The following HHIP variants were observed in gnomAD, a reference collection of about 807,000 sequenced individuals.
The protein encoded by HHIP is hedgehog interacting protein, also known as hedgehog-interacting protein.
In HHIP, 12 loss-of-function variants were observed where a neutral mutation model predicts 74.0. The observed-to-expected ratio is 0.16, with a 90% CI of 0.10 to 0.26. The LOEUF (loss-of-function observed/expected upper bound fraction) is 0.26, where lower values mean the gene tolerates loss of function less well. Ranked by LOEUF, HHIP falls within the 10% of genes least tolerant of loss-of-function variation. The probability of loss-of-function intolerance (pLI) is 1.00; values close to 1 mark genes in which losing one functional copy is unlikely to be tolerated. For missense variants in HHIP, 788 were observed against 845.0 expected (o/e 0.93, Z 0.84); for synonymous variants, 309 against 311.6 (o/e 0.99, Z 0.09).
intron 7 of HHIP, among the ~76,000 whole-genome samples, chr4:144,709,531 G>C (rs1025363612): frequency 6.6e-6 from 1 of 152,188 alleles, no homozygotes; most frequent in Non-Finnish European, 1.5e-5. Context: ...CCCACCTCTG[G>C]TGGCAGAGGG....
chr4:144,702,397 T>C (rs1730010330), intron 4 of HHIP, among the ~76,000 whole-genome samples: 2 of 152,222 alleles, frequency 1.3e-5, no homozygotes, highest in South Asian at 4.1e-4. Flanking sequence ...GAAATTGCTT[T>C]TAAGAGCTGA....
intron 4 of HHIP, among the ~76,000 whole-genome samples, chr4:144,685,300 T>A (rs180956490): frequency 2.9e-3 from 436 of 152,282 alleles, no homozygotes; most frequent in African/African-American, 0.01. Context: ...TAAAGATGAG[T>A]CTCTGAATAG....
intron 4 of HHIP, among the ~76,000 whole-genome samples, chr4:144,701,370 A>T (rs1023072637): frequency 6.6e-6 from 1 of 150,744 alleles, no homozygotes; most frequent in Non-Finnish European, 1.5e-5. Flanking sequence ...CTCAGGTGCC[A>T]ATATATAAAT....
chr4:144,737,346 C>A (rs1417752782), intron 12 of HHIP, among the ~76,000 whole-genome samples: 2 of 152,146 alleles, frequency 1.3e-5, no homozygotes, highest in African/African-American at 4.8e-5. Context: ...GTTGCTTGAG[C>A]CTCTGTGTCT....
At chr4:144,732,730 A>G (rs1433354841) in intron 11 of HHIP, among the ~76,000 whole-genome samples, 1 of 152,192 alleles carries the variant, frequency 6.6e-6, no homozygotes, top group Non-Finnish European at 1.5e-5. Flanking sequence ...TCAGGCATAA[A>G]CCATCTCATG....
At chr4:144,659,352 A>G (rs745720521) in intron 3 of HHIP, among the ~76,000 whole-genome samples, 2 of 152,234 alleles carry the variant, frequency 1.3e-5, no homozygotes, top group Non-Finnish European at 2.9e-5. Context: ...AATTTTAATT[A>G]TAGTCGCTGA....
intron 4 of HHIP, among the ~76,000 whole-genome samples, chr4:144,703,269 G>C (rs1730041671): frequency 6.6e-6 from 1 of 151,292 alleles, no homozygotes; most frequent in Non-Finnish European, 1.5e-5. Context: ...AGGCAAGACT[G>C]CCTGAATCAC....
chr4:144,734,990 T>A, intron 12 of HHIP, 101 bp downstream of exon 12: 1 of 1,140,424 alleles, frequency 8.8e-7, no homozygotes, highest in South Asian at 2.0e-5. Context: ...AATATAGTGT[T>A]CAAAAGTATT....
intron 5 of HHIP, 129 bp downstream of exon 5, chr4:144,706,811 A>G: frequency 1.2e-6 from 1 of 827,908 alleles, no homozygotes. Context: ...CATTACCTCC[A>G]TCTTGCTGAA....
At chr4:144,715,567 C>T in intron 10 of HHIP, 137 bp downstream of exon 10, 2 of 768,288 alleles carry the variant, frequency 2.6e-6, no homozygotes, top group South Asian at 2.3e-5. Flanking sequence ...ATGACCTACT[C>T]CAGAGATTAA....
Position 144,738,021 on chromosome 4 carries a change from A to T in HHIP, c.*64A>T. The T allele has an allele frequency of 4.1e-6, 6 of 1,471,660 alleles. No individual in the cohort carries two copies. The highest frequency in any genetic ancestry group is 4.5e-6 in the Non-Finnish European group (5 of 1,116,372). The allele number at this position is 1,471,660 out of a possible 1,614,324, so 91.2% of individuals were successfully genotyped here. Reference sequence around the variant, plus strand: ...TTATTTTTTATCCTGTCATTAAAAAAAAAAGACTGTTATCCTGCTACACAC... The same window carrying T: ...TTATTTTTTATCCTGTCATTAAAAATAAAAGACTGTTATCCTGCTACACAC... On this transcript the variant is annotated 3_prime_UTR_variant, in exon 13 of 13. Transcript: ENST00000296575.
chr4:144,679,679 T>C (rs1373577201), intron 4 of HHIP, among the ~76,000 whole-genome samples: 2 of 152,186 alleles, frequency 1.3e-5, no homozygotes, highest in Non-Finnish European at 2.9e-5. Flanking sequence ...GATCAGATAA[T>C]TGTAGATGTG....
intron 4 of HHIP, among the ~76,000 whole-genome samples, chr4:144,697,061 TCAA>T (rs1212531436): frequency 2.0e-5 from 3 of 152,048 alleles, no homozygotes; most frequent in Non-Finnish European, 4.4e-5. Context: ...AATTTTTTGT[TCAA>T]CAAGTCTTAA....
At chr4:144,720,329 G>T (rs1335064844) in intron 11 of HHIP, among the ~76,000 whole-genome samples, 1 of 152,052 alleles carries the variant, frequency 6.6e-6, no homozygotes, top group African/African-American at 2.4e-5. Flanking sequence ...TGAGGTGTAC[G>T]GATTTCACTC....
intron 8 of HHIP, 122 bp downstream of exon 8, chr4:144,712,193 T>A: frequency 2.5e-6 from 2 of 809,366 alleles, no homozygotes; most frequent in Non-Finnish European, 4.0e-6. Flanking sequence ...AACACTGGCC[T>A]AACAATCATG....
chr4:144,737,264 A>G (rs1197495841), intron 12 of HHIP, among the ~76,000 whole-genome samples: 1 of 152,194 alleles, frequency 6.6e-6, no homozygotes, highest in Non-Finnish European at 1.5e-5. Context: ...GGAAGAATCC[A>G]AGGGAGTTTA....
In HHIP at chr4:144,668,454, G is replaced by A. The variant is rs1322984083; in HGVS notation, c.831+8616G>A. The stretch of plus-strand genomic sequence containing the variant: ...CAGTGAAATGTGCTGAAGATCGGGT[G>A]CAAGAATACATAAGTGGGGCCGCTC... On this transcript the variant is annotated intron_variant, in intron 4 of 12. Transcript: ENST00000296575. 2.6e-5 allele frequency among the ~76,000 whole-genome samples: 4 copies of A among 151,696 alleles called. No individual in the cohort carries two copies. In the East Asian group the frequency reaches 8.0e-4, roughly 30 times the overall value.
intron 6 of HHIP, 171 bp from the exon 7 acceptor site, chr4:144,707,997 C>T (rs1730192979): frequency 1.5e-6 from 1 of 655,808 alleles, no homozygotes; most frequent in Admixed American, 2.8e-5. Flanking sequence ...CTCACCTTGG[C>T]TTCCCAAAGT....
intron 11 of HHIP, among the ~76,000 whole-genome samples, chr4:144,726,259 G>C (rs1730804030): frequency 6.6e-6 from 1 of 152,022 alleles, no homozygotes; most frequent in African/African-American, 2.4e-5. Context: ...TGTCATATCA[G>C]AGTAAGTACA....
Sources: allele counts gnomAD v4.1 joint callset (sites outside exome capture counted in the v4.1 genomes callset), GRCh38; gene constraint gnomAD v4.1.1; transcripts MANE v1.5; gene names NCBI Gene and HGNC (gene_info 2026-07-23, HGNC 2026-07-21).